CAMK1D: variants seen among roughly 807,000 people sequenced by gnomAD.
CAMK1D encodes the protein calcium/calmodulin dependent protein kinase ID, also known as calcium/calmodulin-dependent protein kinase type 1D.
In CAMK1D, 9 loss-of-function variants were observed where a neutral mutation model predicts 47.7. The observed-to-expected ratio is 0.19, with a 90% CI of 0.11 to 0.33. The LOEUF is 0.33. CAMK1D is among the 10% of genes least tolerant of loss of function. The pLI is 1.00. For missense variants in CAMK1D, 291 were observed against 488.7 expected, an observed-to-expected ratio of 0.60 and a Z score of 3.81; for synonymous variants, 184 against 184.9, an observed-to-expected ratio of 0.99 and a Z score of 0.04.
At chr10:12,506,797 C>T (rs531346830) in intron 1 of CAMK1D, among the ~76,000 whole-genome samples, 172 of 152,302 alleles carry the variant, frequency 1.1e-3, no homozygotes, top group Non-Finnish European at 2.3e-3. Flanking sequence ...GGATTACAGG[C>T]GTGAGCCACC....
chr10:12,827,298 TC>T (rs1833253655), intron 10 of CAMK1D, among the ~76,000 whole-genome samples: 11 of 133,376 alleles, frequency 8.2e-5, no homozygotes, highest in South Asian at 5.6e-4. Flanking sequence ...TTTCTTTCTT[TC>T]TCTCTCTTTT....
intron 3 of CAMK1D, among the ~76,000 whole-genome samples, chr10:12,735,693 C>T (rs1835156791): frequency 6.6e-6 from 1 of 152,078 alleles, no homozygotes; most frequent in Non-Finnish European, 1.5e-5. Flanking sequence ...CTGCCATGAC[C>T]TTGACTCAAG....
intron 3 of CAMK1D, among the ~76,000 whole-genome samples, chr10:12,734,865 A>G (rs1220649812): frequency 1.3e-5 from 2 of 152,182 alleles, no homozygotes. Flanking sequence ...AAAGTAGCTC[A>G]TTATTGGTGG....
intron 1 of CAMK1D, among the ~76,000 whole-genome samples, chr10:12,486,099 C>T (rs1394130194): frequency 6.6e-6 from 1 of 151,928 alleles, no homozygotes; most frequent in Non-Finnish European, 1.5e-5. Flanking sequence ...ATGAAGCACC[C>T]ATGCAGTGCA....
At chr10:12,488,260 G>A (rs935665572) in intron 1 of CAMK1D, among the ~76,000 whole-genome samples, 1 of 152,142 alleles carries the variant, frequency 6.6e-6, no homozygotes, top group Non-Finnish European at 1.5e-5. Flanking sequence ...TCCCAGATGT[G>A]ATGGTGGTTA....
In CAMK1D at chr10:12,647,572, T is replaced by A. The variant is rs554862088; in HGVS notation, c.225-19164T>A. Among the ~76,000 whole-genome samples, 7 of 152,296 alleles carry A rather than the reference T, an allele frequency of 4.6e-5. No homozygotes were observed. In the East Asian group the frequency reaches 1.3e-3, roughly 29 times the overall value. On this transcript the variant is annotated intron_variant, in intron 2 of 10. Coordinates refer to ENST00000619168, the MANE Select transcript of CAMK1D (RefSeq NM_153498.4). Reference sequence around the variant, plus strand: ...ATACATATTTCCATCTATGAATATATATTGAGAGGGAGAGAGGCTGACTTT... The same window carrying A: ...ATACATATTTCCATCTATGAATATAAATTGAGAGGGAGAGAGGCTGACTTT...
chr10:12,700,653 A>C (rs1833483969), intron 3 of CAMK1D, among the ~76,000 whole-genome samples: 1 of 152,194 alleles, frequency 6.6e-6, no homozygotes, highest in African/African-American at 2.4e-5. Flanking sequence ...TATGAAAGAC[A>C]TGGCACGAAA....
intron 1 of CAMK1D, among the ~76,000 whole-genome samples, chr10:12,467,538 T>A (rs185646215): frequency 1.3e-5 from 2 of 152,296 alleles, no homozygotes; most frequent in East Asian, 3.9e-4. Flanking sequence ...GAGCAGTTAC[T>A]TAATGCATTT....
intron 1 of CAMK1D, among the ~76,000 whole-genome samples, chr10:12,496,790 G>A (rs1263253445): frequency 1.3e-5 from 2 of 152,088 alleles, no homozygotes; most frequent in African/African-American, 2.4e-5. Flanking sequence ...GTTACATAGG[G>A]AAACGTGTGC....
At chr10:12,652,159 G>A (rs1839991123) in intron 2 of CAMK1D, among the ~76,000 whole-genome samples, 1 of 152,144 alleles carries the variant, frequency 6.6e-6, no homozygotes. Context: ...GAGTGGGGAA[G>A]AAAGCTTTTA....
intron 1 of CAMK1D, among the ~76,000 whole-genome samples, chr10:12,394,382 C>T (rs1272463467): frequency 1.3e-5 from 2 of 152,156 alleles, no homozygotes; most frequent in African/African-American, 2.4e-5. Flanking sequence ...TGGTGACTGA[C>T]TCAACCTCCA....
rs115778705 is a variant in CAMK1D, at chr10:12,772,735, G to A, written c.565+2936G>A. Among the ~76,000 whole-genome samples, 386 of 152,320 alleles carry A rather than the reference G, an allele frequency of 2.5e-3. 1 individual carries two copies. The highest frequency in any genetic ancestry group is 8.7e-3 in the African/African-American group (360 of 41,572). ...TGGGTAATGGTGTTGTGAGATACCAGGTTGTCCTGGAGGAGGCTGGGGGAG... is the reference window on the plus strand; with the variant it reads ...TGGGTAATGGTGTTGTGAGATACCAAGTTGTCCTGGAGGAGGCTGGGGGAG... On this transcript the variant is annotated intron_variant, in intron 5 of 10. Coordinates refer to ENST00000619168, the MANE Select transcript of CAMK1D (RefSeq NM_153498.4).
chr10:12,623,595 A>C (rs898454640), intron 2 of CAMK1D, among the ~76,000 whole-genome samples: 8 of 150,826 alleles, frequency 5.3e-5, no homozygotes, highest in African/African-American at 2.0e-4. Flanking sequence ...ATAATAAATA[A>C]CATTCTGAGG....
intron 3 of CAMK1D, among the ~76,000 whole-genome samples, chr10:12,675,712 T>C (rs1213384178): frequency 6.6e-6 from 1 of 152,196 alleles, no homozygotes; most frequent in Non-Finnish European, 1.5e-5. Context: ...GTTGAAAAAC[T>C]CCCATTGGCT....
At position 12,533,312 on chromosome 10, in the gene CAMK1D, C is replaced by T. The variant is rs535687459; in HGVS notation, c.93-19913C>T. Among the ~76,000 whole-genome samples the T allele has an allele frequency of 1.3e-4, 20 of 152,246 alleles. No homozygotes were observed. In the East Asian group the frequency reaches 3.5e-3, roughly 26 times the overall value. On this transcript the variant is annotated intron_variant, in intron 1 of 10. Transcript: ENST00000619168. ...GTTTCTCTGCACTGAATCATCTTTC[C>T]CTTGCATTGTTTATCTGGCTGTGAG...
At position 12,581,773 on chromosome 10, in the gene CAMK1D, A is replaced by C. The variant is rs189678758; in HGVS notation, c.224+28417A>C. 2.4e-3 allele frequency among the ~76,000 whole-genome samples: 363 copies of C among 152,240 alleles called. 2 individuals carry two copies. The highest frequency in any genetic ancestry group is 4.0e-3 in the Non-Finnish European group (273 of 68,012). On this transcript the variant is annotated intron_variant, in intron 2 of 10. Coordinates refer to ENST00000619168, the MANE Select transcript of CAMK1D (RefSeq NM_153498.4). The stretch of plus-strand genomic sequence containing the variant: ...TTGCTGATTTGTTTGAGTTCCTTGC[A>C]GATTCTGGATTTTAGTCCTTTGTAA...
chr10:12,768,454 G>A, intron 4 of CAMK1D, among the ~76,000 whole-genome samples: 1 of 152,180 alleles, frequency 6.6e-6, no homozygotes, highest in Middle Eastern at 3.2e-3. Flanking sequence ...CCCCGCTGGG[G>A]CGGGGGAGGA....
intron 3 of CAMK1D, among the ~76,000 whole-genome samples, chr10:12,688,638 A>C (rs1206797084): frequency 6.6e-6 from 1 of 152,170 alleles, no homozygotes; most frequent in Non-Finnish European, 1.5e-5. Flanking sequence ...TGGCAGCATT[A>C]GTTTAGCCTC....
At position 12,648,847 on chromosome 10, in the gene CAMK1D, G is replaced by C. The variant is rs573855828; in HGVS notation, c.225-17889G>C. On this transcript the variant is annotated intron_variant, in intron 2 of 10. Transcript: ENST00000619168. ...AATCAGGGGCTAGTGTTCATCTGAA[G>C]AGATTTTGTATAATAGGCATCTGTT... 1.2e-3 allele frequency among the ~76,000 whole-genome samples: 177 copies of C among 152,040 alleles called. 1 individual carries two copies. Among genetic ancestry groups the C allele is most frequent in the South Asian group, 8.7e-3 (42 of 4,802 alleles).
Sources: allele counts gnomAD v4.1 joint callset (sites outside exome capture counted in the v4.1 genomes callset), GRCh38; gene constraint gnomAD v4.1.1; transcripts MANE v1.5; gene names NCBI Gene and HGNC (gene_info 2026-07-23, HGNC 2026-07-21).